Variants in GFRA1 observed in about 807,000 individuals in gnomAD.
GFRA1 encodes GDNF family receptor alpha-1.
Under a neutral mutation model 51.6 loss-of-function variants are expected in GFRA1, and 16 were observed. The ratio of observed to expected loss-of-function variants is 0.31; its 90% CI spans 0.21 to 0.47. The LOEUF (loss-of-function observed/expected upper bound fraction) is 0.47, where lower values mean the gene tolerates loss of function less well. Among genes scored for constraint, GFRA1 ranks in the 20% least tolerant of loss-of-function variants. GFRA1 has a pLI of 1.00. For synonymous variants in GFRA1, 270 were observed against 241.3 expected (o/e 1.12, Z -1.10); for missense variants, 530 against 594.3 (o/e 0.89, Z 1.13).
chr10:116,114,182 C>T (rs997553604), intron 6 of GFRA1, among the ~76,000 whole-genome samples: 7 of 152,150 alleles, frequency 4.6e-5, no homozygotes, highest in African/African-American at 1.7e-4. Context: ...CCCTTATTCA[C>T]AGTTACTCCA....
chr10:116,263,740 G>A (rs117224018), intron 4 of GFRA1, among the ~76,000 whole-genome samples: 2,080 of 152,304 alleles, frequency 0.014, 29 homozygotes, highest in Non-Finnish European at 0.022. Context: ...GTTGGACTGG[G>A]AGAAGCTAGG....
upstream of GFRA1, among the ~76,000 whole-genome samples, chr10:116,273,800 C>T (rs1248990111): frequency 1.3e-5 from 2 of 152,186 alleles, no homozygotes; most frequent in African/African-American, 4.8e-5. Context: ...TTTTCCCCCA[C>T]GTCACTAGTG....
chr10:116,112,980 C>T (rs72834558), intron 6 of GFRA1, among the ~76,000 whole-genome samples: 1 of 152,168 alleles, frequency 6.6e-6, no homozygotes, highest in Non-Finnish European at 1.5e-5. Flanking sequence ...CAAGATTACT[C>T]TGGTCCATCT....
At chr10:116,088,509 T>G (rs1283467311) in intron 9 of GFRA1, among the ~76,000 whole-genome samples, 1 of 152,132 alleles carries the variant, frequency 6.6e-6, no homozygotes, top group Non-Finnish European at 1.5e-5. Flanking sequence ...CTCTGCAGAC[T>G]TGAGCAAGAG....
intron 5 of GFRA1, among the ~76,000 whole-genome samples, chr10:116,141,298 C>T (rs2134092998): frequency 6.6e-6 from 1 of 152,162 alleles, no homozygotes; most frequent in African/African-American, 2.4e-5. Context: ...TCTTGGCCAC[C>T]TCCTTTAGAT....
At chr10:116,068,620 G>C (rs746253937) in intron 9 of GFRA1, among the ~76,000 whole-genome samples, 9 of 152,140 alleles carry the variant, frequency 5.9e-5, no homozygotes, top group Non-Finnish European at 1.0e-4. Context: ...TGAACTTCCT[G>C]TGACTACTGA....
intron 4 of GFRA1, among the ~76,000 whole-genome samples, chr10:116,262,937 A>G (rs1206575773): frequency 6.6e-6 from 1 of 152,206 alleles, no homozygotes; most frequent in Non-Finnish European, 1.5e-5. Flanking sequence ...CCTTAAGCAC[A>G]GGAAAAGCTC....
chr10:116,212,707 G>A (rs907826441), intron 4 of GFRA1, among the ~76,000 whole-genome samples: 1 of 152,166 alleles, frequency 6.6e-6, no homozygotes, highest in Non-Finnish European at 1.5e-5. Context: ...CATCCATACT[G>A]TAGCACACGG....
At chr10:116,146,465 A>C (rs1190671962) in intron 5 of GFRA1, among the ~76,000 whole-genome samples, 1 of 152,206 alleles carries the variant, frequency 6.6e-6, no homozygotes, top group Non-Finnish European at 1.5e-5. Context: ...GGCTCTACAC[A>C]TTTCAAACTC....
chr10:116,124,113 C>T (rs1957754476), intron 6 of GFRA1, among the ~76,000 whole-genome samples: 1 of 152,204 alleles, frequency 6.6e-6, no homozygotes, highest in African/African-American at 2.4e-5. Context: ...CCATGTTGGC[C>T]AGGCAGGTCT....
At chr10:116,260,791 A>G (rs1969242809) in intron 4 of GFRA1, among the ~76,000 whole-genome samples, 3 of 152,210 alleles carry the variant, frequency 2.0e-5, no homozygotes, top group Admixed American at 2.0e-4. Flanking sequence ...GACATAATAA[A>G]TTAGCCTCTT....
At chr10:116,126,586 T>C (rs1307626792) in intron 5 of GFRA1, among the ~76,000 whole-genome samples, 1 of 152,194 alleles carries the variant, frequency 6.6e-6, no homozygotes, top group African/African-American at 2.4e-5. Flanking sequence ...AGAAACAACA[T>C]ATAAGGTGGT....
chr10:116,185,801 A>T (rs1962652991), intron 5 of GFRA1, among the ~76,000 whole-genome samples: 1 of 152,148 alleles, frequency 6.6e-6, no homozygotes, highest in African/African-American at 2.4e-5. Flanking sequence ...GAGTCTGTGG[A>T]ACACTAGCAG....
intron 5 of GFRA1, among the ~76,000 whole-genome samples, chr10:116,206,350 C>T (rs1964755179): frequency 6.6e-6 from 1 of 152,068 alleles, no homozygotes; most frequent in African/African-American, 2.4e-5. Context: ...AAACCTAAGA[C>T]GAAGGCCGAG....
chr10:116,108,271 TTAGCAAACAAC>T (rs555970194), intron 6 of GFRA1, among the ~76,000 whole-genome samples: 4 of 152,326 alleles, frequency 2.6e-5, no homozygotes, highest in African/African-American at 9.6e-5. Flanking sequence ...GACTTTGAGC[TTAGCAAACAAC>T]TAGTTCCTAA....
intron 5 of GFRA1, among the ~76,000 whole-genome samples, chr10:116,180,457 C>T (rs1962101964): frequency 6.6e-6 from 1 of 152,166 alleles, no homozygotes; most frequent in African/African-American, 2.4e-5. Context: ...AACTCTCTTG[C>T]TCATTATTCA....
intron 9 of GFRA1, among the ~76,000 whole-genome samples, chr10:116,076,590 G>A (rs1264672580): frequency 1.3e-5 from 2 of 152,212 alleles, no homozygotes; most frequent in African/African-American, 4.8e-5. Context: ...ATAGCACAGA[G>A]TGGTAATGGG....
chr10:116,206,734 G>A (rs1288972781), intron 5 of GFRA1, among the ~76,000 whole-genome samples: 1 of 145,048 alleles, frequency 6.9e-6, no homozygotes, highest in Admixed American at 7.2e-5. Context: ...CCGGGTTCAC[G>A]CCATTCTCCT....
At chr10:116,189,223 C>G (rs754998159) in intron 5 of GFRA1, among the ~76,000 whole-genome samples, 2 of 152,168 alleles carry the variant, frequency 1.3e-5, no homozygotes, top group Non-Finnish European at 2.9e-5. Flanking sequence ...CTTCTTCCCC[C>G]ACGAAGGGCA....
Sources: allele counts gnomAD v4.1 joint callset (sites outside exome capture counted in the v4.1 genomes callset), GRCh38; gene constraint gnomAD v4.1.1; transcripts MANE v1.5; gene names NCBI Gene and HGNC (gene_info 2026-07-23, HGNC 2026-07-21).